Variants in SPAG16 observed in about 807,000 individuals in gnomAD.
The protein encoded by SPAG16 is sperm associated antigen 16.
Under a neutral mutation model 80.4 loss-of-function variants are expected in SPAG16, and 86 were observed. The ratio of observed to expected loss-of-function variants is 1.07; its 90% CI spans 0.90 to 1.28. The LOEUF is 1.28. Ranked by LOEUF, SPAG16 falls within the 50% of genes most tolerant of loss-of-function variation. The pLI is 0.00. For missense variants in SPAG16, 870 were observed against 765.3 expected (o/e 1.14, Z -1.61); for synonymous variants, 294 against 265.9 (o/e 1.11, Z -1.03).
intron 10 of SPAG16, among the ~76,000 whole-genome samples, chr2:213,524,339 AG>A (rs1333694100): frequency 2.0e-5 from 3 of 152,228 alleles, no homozygotes; most frequent in African/African-American, 7.2e-5. Flanking sequence ...AGTTTGCTGC[AG>A]GGGTGGAGCC....
At chr2:213,533,474 A>T (rs1010813324) in intron 10 of SPAG16, among the ~76,000 whole-genome samples, 4 of 152,146 alleles carry the variant, frequency 2.6e-5, no homozygotes, top group African/African-American at 9.7e-5. Context: ...CTCTAACACA[A>T]TTCTCATCTG....
Position 213,718,149 on chromosome 2 carries a change from CAAAAA to C in SPAG16, c.1071-144320_1071-144316del, listed in dbSNP as rs71063769. ...TCTACAAAGAACTTAAACAAGTTTA[CAAAAA>C]AAAAAAAAAAAAAAAGAAAACCACC... On this transcript the variant is annotated intron_variant, in intron 10 of 15. Coordinates refer to ENST00000331683, the MANE Select transcript of SPAG16 (RefSeq NM_024532.5). 1.6e-3 allele frequency among the ~76,000 whole-genome samples: 145 copies of C among 92,244 alleles called. 1 individual carries two copies. Among genetic ancestry groups the C allele is most frequent in the African/African-American group, 6.1e-3 (131 of 21,484 alleles). 60.5% of individuals were successfully genotyped at this position (92,244 alleles called of 152,430 possible). A position where few individuals can be genotyped will look rare whatever the true frequency, so the allele number is the denominator to read the frequency against.
intron 11 of SPAG16, among the ~76,000 whole-genome samples, chr2:213,878,542 T>C (rs1163034141): frequency 6.6e-6 from 1 of 152,162 alleles, no homozygotes; most frequent in Non-Finnish European, 1.5e-5. Flanking sequence ...TCCTTGTAAA[T>C]TCTGGATATC....
intron 10 of SPAG16, among the ~76,000 whole-genome samples, chr2:213,554,138 T>G (rs1370327083): frequency 6.6e-6 from 1 of 152,162 alleles, no homozygotes; most frequent in Non-Finnish European, 1.5e-5. Context: ...ACAACTTCTC[T>G]GGTATGAGAA....
intron 3 of SPAG16, among the ~76,000 whole-genome samples, chr2:213,301,192 G>C (rs2062727372): frequency 6.6e-6 from 1 of 151,990 alleles, no homozygotes; most frequent in Non-Finnish European, 1.5e-5. Context: ...TCAAGAAAAA[G>C]AGCTGTTTGT....
intron 9 of SPAG16, among the ~76,000 whole-genome samples, chr2:213,381,743 G>A (rs2067183509): frequency 6.6e-6 from 1 of 152,160 alleles, no homozygotes; most frequent in African/African-American, 2.4e-5. Context: ...GAGAGATGTA[G>A]CCACTAACCA....
intron 3 of SPAG16, among the ~76,000 whole-genome samples, chr2:213,306,768 A>T (rs1164026143): frequency 1.3e-5 from 2 of 152,058 alleles, no homozygotes; most frequent in African/African-American, 4.8e-5. Context: ...TAATTACTAC[A>T]GTCTCCCTCC....
intron 13 of SPAG16, among the ~76,000 whole-genome samples, chr2:214,026,903 A>C (rs1411834778): frequency 2.0e-5 from 3 of 151,400 alleles, no homozygotes; most frequent in Non-Finnish European, 4.4e-5. Flanking sequence ...CAAAGTCATC[A>C]TTTTTTTCCC....
intron 10 of SPAG16, among the ~76,000 whole-genome samples, chr2:213,715,953 C>T (rs2066222169): frequency 6.6e-6 from 1 of 151,780 alleles, no homozygotes; most frequent in Non-Finnish European, 1.5e-5. Flanking sequence ...CCACACAGTG[C>T]ACTATTGTAT....
intron 10 of SPAG16, among the ~76,000 whole-genome samples, chr2:213,591,732 G>A (rs563503717): frequency 3.3e-5 from 5 of 152,070 alleles, no homozygotes; most frequent in South Asian, 2.1e-4. Flanking sequence ...AGGGGTCAGC[G>A]GATGGAAAAT....
At chr2:214,274,668 G>T (rs1209769385) in intron 15 of SPAG16, among the ~76,000 whole-genome samples, 1 of 152,110 alleles carries the variant, frequency 6.6e-6, no homozygotes, top group Non-Finnish European at 1.5e-5. Flanking sequence ...TCTTGGATAA[G>T]CTTTTTGTTG....
chr2:213,644,655 G>A (rs1277236824), intron 10 of SPAG16, among the ~76,000 whole-genome samples: 2 of 152,182 alleles, frequency 1.3e-5, no homozygotes, highest in Non-Finnish European at 2.9e-5. Context: ...GATTCCCAGG[G>A]AGACACTCTT....
At chr2:214,168,749 G>T (rs949360525) in intron 15 of SPAG16, among the ~76,000 whole-genome samples, 3 of 152,090 alleles carry the variant, frequency 2.0e-5, no homozygotes, top group African/African-American at 4.8e-5. Flanking sequence ...GATTAGAGTG[G>T]AATGAATAAG....
intron 12 of SPAG16, among the ~76,000 whole-genome samples, chr2:214,010,800 A>G (rs1473253192): frequency 6.8e-6 from 1 of 146,704 alleles, no homozygotes; most frequent in East Asian, 2.0e-4. Context: ...CTTTGTGATT[A>G]CAGATCAAAA....
chr2:214,028,325 C>T (rs954979075), intron 13 of SPAG16, among the ~76,000 whole-genome samples: 2 of 151,968 alleles, frequency 1.3e-5, no homozygotes, highest in Non-Finnish European at 2.9e-5. Flanking sequence ...TGTCTTAGTT[C>T]CTAAAAGCCA....
intron 10 of SPAG16, among the ~76,000 whole-genome samples, chr2:213,514,447 G>T (rs1057387634): frequency 6.6e-6 from 1 of 152,046 alleles, no homozygotes; most frequent in Non-Finnish European, 1.5e-5. Context: ...ATTACTATTA[G>T]AAATTTATAA....
At chr2:214,168,797 A>G (rs2056765683) in intron 15 of SPAG16, among the ~76,000 whole-genome samples, 1 of 152,076 alleles carries the variant, frequency 6.6e-6, no homozygotes, top group Non-Finnish European at 1.5e-5. Flanking sequence ...CCTGAGAGCA[A>G]AGGGGAACAA....
chr2:214,085,589 TCCTTTACACTG>T (rs2051686564), intron 13 of SPAG16, among the ~76,000 whole-genome samples: 1 of 152,174 alleles, frequency 6.6e-6, no homozygotes, highest in South Asian at 2.1e-4. Context: ...TGCAAATGTG[TCCTTTACACTG>T]CCTTTAAAAA....
intron 10 of SPAG16, among the ~76,000 whole-genome samples, chr2:213,606,095 C>T (rs1038221276): frequency 6.6e-6 from 1 of 152,118 alleles, no homozygotes; most frequent in Non-Finnish European, 1.5e-5. Context: ...CTGGTTTCTT[C>T]CATTAACATA....
Sources: gnomAD v4.1 joint callset for allele counts (sites outside exome capture counted in the v4.1 genomes callset) on GRCh38, gnomAD v4.1.1 for gene constraint, MANE v1.5 for transcripts, NCBI Gene and HGNC (gene_info 2026-07-23, HGNC 2026-07-21) for gene names.